Variants in TACC2 observed in about 807,000 individuals in gnomAD.
TACC2 encodes transforming acidic coiled-coil-containing protein 2.
Under a neutral mutation model 227.3 loss-of-function variants are expected in TACC2, and 137 were observed. The ratio of observed to expected loss-of-function variants is 0.60; its 90% CI spans 0.52 to 0.69. The LOEUF is 0.69. Ranked by LOEUF, TACC2 falls within the 30% of genes least tolerant of loss-of-function variation. TACC2 has a pLI of 0.00. For synonymous variants in TACC2, 1,523 were observed against 1,487.5 expected (o/e 1.02, Z -0.55); for missense variants, 3,470 against 3,694.4 (o/e 0.94, Z 1.57).
At chr10:122,162,675 C>T (rs1439425148) in intron 7 of TACC2, among the ~76,000 whole-genome samples, 7 of 152,176 alleles carry the variant, frequency 4.6e-5, no homozygotes, top group African/African-American at 1.7e-4. Flanking sequence ...CTGAGCCTGC[C>T]ATAGGCCAGG....
chr10:122,177,026 C>T (rs935459597), intron 7 of TACC2, among the ~76,000 whole-genome samples: 1 of 152,102 alleles, frequency 6.6e-6, no homozygotes, highest in Non-Finnish European at 1.5e-5. Flanking sequence ...ATCACAGTTG[C>T]CTGGAGCAGC....
chr10:122,127,316 C>T (rs1316305813), intron 5 of TACC2, among the ~76,000 whole-genome samples: 2 of 152,216 alleles, frequency 1.3e-5, no homozygotes, highest in Non-Finnish European at 2.9e-5. Context: ...GAATCCATCC[C>T]AGTGCCCGCC....
At chr10:122,182,747 C>T (rs2094012760) in intron 7 of TACC2, among the ~76,000 whole-genome samples, 1 of 152,136 alleles carries the variant, frequency 6.6e-6, no homozygotes, top group Non-Finnish European at 1.5e-5. Context: ...ATGTGCTTTT[C>T]TTCATTTTGA....
rs1592396654 is a variant in TACC2 at position 122,132,753 on chromosome 10, A to G, written c.5699+19A>G. The G allele has an allele frequency of 6.2e-7, 1 of 1,613,308 alleles. No homozygotes were observed. The highest frequency in any genetic ancestry group is 8.5e-7 in the Non-Finnish European group (1 of 1,179,718). ...CCCAGAGGTACGGTGGGGGCCCTGG[A>G]GCTGGTGATGAGACCTCAGGGCCCA... On this transcript the variant is annotated intron_variant, in intron 6 of 22. Transcript: ENST00000369005.
At chr10:122,228,555 C>G (rs1194589551) in intron 14 of TACC2, among the ~76,000 whole-genome samples, 1 of 152,148 alleles carries the variant, frequency 6.6e-6, no homozygotes, top group East Asian at 1.9e-4. Flanking sequence ...TAAGCGATGC[C>G]CATGCCACGG....
chr10:122,077,013 G>T (rs1027886552), intron 3 of TACC2, among the ~76,000 whole-genome samples: 2 of 151,506 alleles, frequency 1.3e-5, no homozygotes, highest in African/African-American at 4.9e-5. Context: ...CACTCGGGAG[G>T]CTGAGACACG....
chr10:122,017,959 T>C (rs1419917769), intron 1 of TACC2, among the ~76,000 whole-genome samples: 1 of 150,720 alleles, frequency 6.6e-6, no homozygotes, highest in East Asian at 1.9e-4. Flanking sequence ...GGAATTCTTT[T>C]TTTTTTTTTA....
rs191149659 is a variant in TACC2 at position 122,074,639 on chromosome 10, G to C, written c.147-8008G>C. ...GAGTTGGGAGTGGGTCAAATACAGG[G>C]ATTAGAGTGCTGGAGAGAATTCTGA... On this transcript the variant is annotated intron_variant, in intron 3 of 22. Coordinates refer to ENST00000369005, the MANE Select transcript of TACC2 (RefSeq NM_206862.4). 1.4e-3 allele frequency among the ~76,000 whole-genome samples: 207 copies of C among 152,226 alleles called. 1 individual carries two copies. Among genetic ancestry groups the C allele is most frequent in the Admixed American group, 3.4e-3 (52 of 15,280 alleles).
At chr10:122,212,242 GC>G (rs2095310507) in intron 9 of TACC2, among the ~76,000 whole-genome samples, 1 of 152,210 alleles carries the variant, frequency 6.6e-6, no homozygotes, top group African/African-American at 2.4e-5. Flanking sequence ...ACTCCAACCA[GC>G]CCGTAAGAAA....
chr10:122,207,881 G>A (rs571507551), intron 8 of TACC2, among the ~76,000 whole-genome samples: 19 of 152,152 alleles, frequency 1.2e-4, no homozygotes, highest in Non-Finnish European at 1.9e-4. Context: ...GGGCCTTGAC[G>A]ACGGGATAGG....
chr10:122,059,124 G>A (rs1355527766), intron 3 of TACC2, among the ~76,000 whole-genome samples: 12 of 147,050 alleles, frequency 8.2e-5, no homozygotes, highest in Admixed American at 6.3e-4. Flanking sequence ...CACCATGTTG[G>A]TCAGGCTGGT....
intron 7 of TACC2, among the ~76,000 whole-genome samples, chr10:122,177,230 C>T (rs890243928): frequency 2.6e-5 from 4 of 152,180 alleles, no homozygotes; most frequent in South Asian, 2.1e-4. Flanking sequence ...GGTATTGTCC[C>T]GAGCCCCAAC....
At chr10:122,002,738 A>G (rs1156495541) in intron 1 of TACC2, among the ~76,000 whole-genome samples, 1 of 152,130 alleles carries the variant, frequency 6.6e-6, no homozygotes, top group Non-Finnish European at 1.5e-5. Flanking sequence ...GATACTATCC[A>G]TTTCATTTTT....
chr10:122,235,434 A>G (rs778323650), intron 16 of TACC2, among the ~76,000 whole-genome samples: 1 of 152,072 alleles, frequency 6.6e-6, no homozygotes, highest in South Asian at 2.1e-4. Context: ...AGATCTCACA[A>G]TGTTACCCAG....
intron 1 of TACC2, among the ~76,000 whole-genome samples, chr10:121,996,736 G>A (rs1953553094): frequency 6.6e-6 from 1 of 152,166 alleles, no homozygotes; most frequent in Admixed American, 6.5e-5. Context: ...AGAGGGATTG[G>A]CTTGAGGGAA....
intron 5 of TACC2, among the ~76,000 whole-genome samples, chr10:122,100,478 C>T (rs1425777686): frequency 6.7e-6 from 1 of 148,376 alleles, no homozygotes; most frequent in Non-Finnish European, 1.5e-5. Context: ...GGCTGGAGTG[C>T]AGTGGCCCGA....
At chr10:122,195,237 T>G in intron 8 of TACC2, 61 bp downstream of exon 8, 1 of 1,457,332 alleles carries the variant, frequency 6.9e-7, no homozygotes, top group African/African-American at 1.4e-5. Context: ...TGGGGGAGAT[T>G]TGCAGCAGTT....
At chr10:122,129,606 C>T (rs2087640380) in intron 5 of TACC2, among the ~76,000 whole-genome samples, 1 of 152,146 alleles carries the variant, frequency 6.6e-6, no homozygotes, top group African/African-American at 2.4e-5. Context: ...AACTTTGGAG[C>T]TCTGTTTTTC....
At chr10:122,100,811 A>T (rs1041629554) in intron 5 of TACC2, among the ~76,000 whole-genome samples, 1 of 152,164 alleles carries the variant, frequency 6.6e-6, no homozygotes, top group Non-Finnish European at 1.5e-5. Flanking sequence ...GACTGTAAAG[A>T]CATAAGAGGC....
Sources: allele counts gnomAD v4.1 joint callset (sites outside exome capture counted in the v4.1 genomes callset), GRCh38; gene constraint gnomAD v4.1.1; transcripts MANE v1.5; gene names NCBI Gene and HGNC (gene_info 2026-07-23, HGNC 2026-07-21).